Variants in PTPRJ observed in about 807,000 individuals in gnomAD.
PTPRJ encodes the protein protein tyrosine phosphatase receptor type J.
Under a neutral mutation model 141.3 loss-of-function variants are expected in PTPRJ, and 129 were observed. That is an observed-to-expected ratio of 0.91 (90% CI 0.79 to 1.06). The LOEUF (loss-of-function observed/expected upper bound fraction) is 1.06. PTPRJ is among the 50% of genes least tolerant of loss of function. PTPRJ has a pLI of 0.00. For missense variants in PTPRJ, 1,601 were observed against 1,679.7 expected (o/e 0.95, Z 0.82); for synonymous variants, 610 against 640.5 (o/e 0.95, Z 0.72).
intron 1 of PTPRJ, among the ~76,000 whole-genome samples, chr11:48,055,949 T>G (rs1344062839): frequency 6.6e-6 from 1 of 151,926 alleles, no homozygotes; most frequent in African/African-American, 2.4e-5. Context: ...CATGCATAGG[T>G]CAATATACAA....
At chr11:48,017,683 A>G (rs999760312) in intron 1 of PTPRJ, among the ~76,000 whole-genome samples, 1 of 152,124 alleles carries the variant, frequency 6.6e-6, no homozygotes, top group Non-Finnish European at 1.5e-5. Context: ...CTGCTCTTCT[A>G]CCTGCATGCA....
intron 1 of PTPRJ, among the ~76,000 whole-genome samples, chr11:48,055,443 C>A (rs533935965): frequency 6.6e-6 from 1 of 152,192 alleles, no homozygotes; most frequent in Non-Finnish European, 1.5e-5. Flanking sequence ...CAACCTTTTG[C>A]TTTTCATTCT....
intron 1 of PTPRJ, among the ~76,000 whole-genome samples, chr11:48,021,072 C>T (rs1203064272): frequency 1.3e-5 from 2 of 152,160 alleles, no homozygotes; most frequent in Non-Finnish European, 2.9e-5. Context: ...CAGCCCAGAA[C>T]CCTTAACAAA....
intron 1 of PTPRJ, among the ~76,000 whole-genome samples, chr11:48,045,053 A>G (rs1019255002): frequency 6.6e-6 from 1 of 152,144 alleles, no homozygotes; most frequent in South Asian, 2.1e-4. Context: ...CCTTTGGGGT[A>G]CCCATTCAGT....
rs148043747 is a variant in PTPRJ, at chr11:48,091,411, G to A, written c.97-18647G>A. ...TTTTCTTGTTATTTCCCTGTTAGGC[G>A]TTAAGTGTGTGAAAGTGTGTGTGTA... On this transcript the variant is annotated intron_variant, in intron 1 of 24. Transcript: ENST00000418331. Among the ~76,000 whole-genome samples, 269 of 152,224 alleles carry A rather than the reference G, an allele frequency of 1.8e-3. 4 individuals carry two copies. Among genetic ancestry groups the A allele is most frequent in the Non-Finnish European group, 2.9e-3 (200 of 68,008 alleles).
intron 1 of PTPRJ, among the ~76,000 whole-genome samples, chr11:48,008,405 A>G (rs1167204465): frequency 3.3e-5 from 5 of 151,606 alleles, no homozygotes; most frequent in Non-Finnish European, 5.9e-5. Flanking sequence ...GATTACAGGC[A>G]TGTGCCACCA....
intron 1 of PTPRJ, among the ~76,000 whole-genome samples, chr11:48,021,426 A>AAAT (rs1565261673): frequency 3.4e-5 from 5 of 149,154 alleles, no homozygotes; most frequent in African/African-American, 1.2e-4. Context: ...TAAATAAAAT[A>AAAT]AAATAAAATA....
intron 11 of PTPRJ, 46 bp from the exon 12 acceptor site, chr11:48,142,873 T>G: frequency 6.3e-7 from 1 of 1,575,922 alleles, no homozygotes; most frequent in Non-Finnish European, 8.6e-7. Context: ...TGTGTTGCTT[T>G]GGTTTTCAAT....
chr11:48,114,838 A>G (rs1856526032), intron 3 of PTPRJ, among the ~76,000 whole-genome samples: 1 of 152,248 alleles, frequency 6.6e-6, no homozygotes, highest in South Asian at 2.1e-4. Context: ...GAGGAAAACA[A>G]TAAGTGACTA....
intron 21 of PTPRJ, among the ~76,000 whole-genome samples, chr11:48,159,100 GTGT>G (rs1565333180): frequency 1.4e-5 from 2 of 140,646 alleles, no homozygotes; most frequent in African/African-American, 5.4e-5. Context: ...TATGTGGGGT[GTGT>G]GTGTGTGTGT....
At chr11:47,998,063 G>A (rs1442721870) in intron 1 of PTPRJ, among the ~76,000 whole-genome samples, 2 of 152,028 alleles carry the variant, frequency 1.3e-5, no homozygotes, top group African/African-American at 2.4e-5. Flanking sequence ...ACTTTGTGAG[G>A]CCCAAAAACA....
chr11:48,013,210 G>A (rs561652287), intron 1 of PTPRJ, among the ~76,000 whole-genome samples: 4 of 151,808 alleles, frequency 2.6e-5, no homozygotes, highest in South Asian at 2.1e-4. Context: ...TTGGGCTCAT[G>A]TTCACCCCCA....
At chr11:48,040,203 G>A (rs554207423) in intron 1 of PTPRJ, among the ~76,000 whole-genome samples, 22 of 152,350 alleles carry the variant, frequency 1.4e-4, no homozygotes, top group African/African-American at 3.6e-4. Context: ...ACTTCTCACC[G>A]AAGTTCCCAG....
At chr11:48,008,970 C>T (rs1479329840) in intron 1 of PTPRJ, among the ~76,000 whole-genome samples, 1 of 152,122 alleles carries the variant, frequency 6.6e-6, no homozygotes, top group African/African-American at 2.4e-5. Flanking sequence ...AAAGTAGTTC[C>T]TTCTATAATA....
At chr11:47,987,522 C>T (rs11039482) in intron 1 of PTPRJ, among the ~76,000 whole-genome samples, 14,276 of 152,220 alleles carry the variant, frequency 0.094, 911 homozygotes, top group Non-Finnish European at 0.14. Context: ...ACTCAGATAG[C>T]ACCAACCAAC....
At chr11:48,159,099 T>A (rs72905510) in intron 21 of PTPRJ, among the ~76,000 whole-genome samples, 1 of 50,096 alleles carries the variant, frequency 2.0e-5, no homozygotes. Context: ...GTATGTGGGG[T>A]GTGTGTGTGT....
chr11:48,035,455 C>T (rs1320396736), intron 1 of PTPRJ, among the ~76,000 whole-genome samples: 4 of 151,654 alleles, frequency 2.6e-5, no homozygotes, highest in Non-Finnish European at 5.9e-5. Context: ...GCCTGGTGAG[C>T]CCCCGGGATG....
chr11:48,057,040 G>A (rs186906367), intron 1 of PTPRJ, among the ~76,000 whole-genome samples: 15 of 152,298 alleles, frequency 9.8e-5, no homozygotes, highest in Admixed American at 9.1e-4. Context: ...AAAGAGCAGG[G>A]ACTTTAGAGT....
intron 1 of PTPRJ, among the ~76,000 whole-genome samples, chr11:48,068,877 A>C (rs1855156050): frequency 1.3e-5 from 2 of 152,192 alleles, no homozygotes; most frequent in Non-Finnish European, 2.9e-5. Context: ...GTGAAGATTA[A>C]ATGAGAAAAG....
Sources: gnomAD v4.1 joint callset for allele counts (sites outside exome capture counted in the v4.1 genomes callset) on GRCh38, gnomAD v4.1.1 for gene constraint, MANE v1.5 for transcripts, NCBI Gene and HGNC (gene_info 2026-07-23, HGNC 2026-07-21) for gene names.